Variants in OTULIN observed in about 807,000 individuals in gnomAD.
OTULIN encodes ubiquitin thioesterase otulin.
OTULIN carries 15 observed loss-of-function variants against 39.6 expected under a neutral mutation model. That is an observed-to-expected ratio of 0.38 (90% CI 0.25 to 0.58). The LOEUF is 0.58. OTULIN is among the 20% of genes least tolerant of loss of function. The pLI is 0.66. For missense variants in OTULIN, 319 were observed against 445.9 expected (o/e 0.72, Z 2.56); for synonymous variants, 156 against 170.3 (o/e 0.92, Z 0.65).
At position 14,693,099 on chromosome 5, in the gene OTULIN, C is replaced by T. The variant is rs1736575482; in HGVS notation, c.*51C>T. On this transcript the variant is annotated 3_prime_UTR_variant, in exon 7 of 7. Coordinates refer to ENST00000284274, the MANE Select transcript of OTULIN (RefSeq NM_138348.6). ...CGACGTGGCGAAGATGCACAGGTGG[C>T]TCCTGGGCTTGGGCTGCAGGTTTGG... 6.6e-7 allele frequency: 1 copy of T among 1,521,958 alleles called. No homozygotes were observed. The highest frequency in any genetic ancestry group is 8.9e-7 in the Non-Finnish European group (1 of 1,123,260). The allele number at this position is 1,521,958 out of a possible 1,614,324, so 94.3% of individuals were successfully genotyped here.
chr5:14,710,825 T>C, the OTULIN span: 3 of 322,542 alleles, frequency 9.3e-6, no homozygotes, highest in East Asian at 1.6e-4. Context: ...TGTGGCCTGC[T>C]GTGCAGGGTG....
intron 1 of OTULIN, among the ~76,000 whole-genome samples, chr5:14,672,530 C>T (rs1736004537): frequency 6.6e-6 from 1 of 152,088 alleles, no homozygotes; most frequent in Non-Finnish European, 1.5e-5. Context: ...CTCCTCCTTC[C>T]TGTGTTCCAC....
chr5:14,674,349 A>G (rs1304650528), intron 2 of OTULIN, among the ~76,000 whole-genome samples: 1 of 152,228 alleles, frequency 6.6e-6, no homozygotes, highest in African/African-American at 2.4e-5. Flanking sequence ...CAGGAGCTGC[A>G]TAGGGTTACT....
rs542573741 is a variant in OTULIN at position 14,667,687 on chromosome 5, GTA to G, written c.152+2714_152+2715del. Among the ~76,000 whole-genome samples the G allele has an allele frequency of 4.3e-3, 658 of 152,218 alleles. 4 individuals are homozygous for G. Among genetic ancestry groups the G allele is most frequent in the African/African-American group, 0.015 (626 of 41,550 alleles). On this transcript the variant is annotated intron_variant, in intron 1 of 6. Coordinates refer to ENST00000284274, the MANE Select transcript of OTULIN (RefSeq NM_138348.6). The stretch of plus-strand genomic sequence containing the variant: ...ACAGTGCCCAGTGATGAACTACTTT[GTA>G]TATCTCATTGCAGTTTTTCTTTCCC...
rs1736595257 is a variant in OTULIN, at chr5:14,693,792, G to C, written c.*744G>C. 1 of 152,246 alleles carries C rather than the reference G, an allele frequency of 6.6e-6. No homozygotes were observed. The highest frequency in any genetic ancestry group is 1.5e-5 in the Non-Finnish European group (1 of 68,078). The allele number at this position is 152,246 out of a possible 1,614,324, so 9.4% of individuals were successfully genotyped here. ...TAGGAGGGAGTGGTGAGGGAACCTA[G>C]AACTTCTTGCTCCTTGTGACTATGA... On this transcript the variant is annotated 3_prime_UTR_variant, in exon 7 of 7. Coordinates refer to ENST00000284274, the MANE Select transcript of OTULIN (RefSeq NM_138348.6).
chr5:14,666,407 G>A (rs910779127), intron 1 of OTULIN, among the ~76,000 whole-genome samples: 7 of 151,716 alleles, frequency 4.6e-5, no homozygotes, highest in Admixed American at 4.6e-4. Flanking sequence ...TGAAAGGAAT[G>A]TAAAAAAAAA....
chr5:14,711,326 CTCA>C, the OTULIN span: 1 of 1,606,568 alleles, frequency 6.2e-7, no homozygotes, highest in South Asian at 1.1e-5. Context: ...CCAAAGAAGA[CTCA>C]TCAGTGTGGG....
chr5:14,710,109 C>A, the OTULIN span: 1 of 152,166 alleles, frequency 6.6e-6, no homozygotes, highest in African/African-American at 2.4e-5. Flanking sequence ...AAATGTCTTG[C>A]TTTATCGTAT....
intron 1 of OTULIN, among the ~76,000 whole-genome samples, chr5:14,669,956 C>T (rs921387063): frequency 6.6e-6 from 1 of 152,154 alleles, no homozygotes; most frequent in African/African-American, 2.4e-5. Context: ...CTGTTTGAAT[C>T]TATATAGTAG....
chr5:14,709,489 A>G, the OTULIN span: 128 of 152,254 alleles, frequency 8.4e-4, no homozygotes, highest in African/African-American at 3.0e-3. Context: ...TGTGAATGCA[A>G]CCCTGGCATG....
chr5:14,693,233 C>T lies in OTULIN; in HGVS notation c.*185C>T, dbSNP rs975014634. ...ATAAGAGAAATTAACCAAGTCTTTC[C>T]CCTCATCTATGATGCAATATATTTC... On this transcript the variant is annotated 3_prime_UTR_variant, in exon 7 of 7. Coordinates refer to ENST00000284274, the MANE Select transcript of OTULIN (RefSeq NM_138348.6). 2.8e-5 allele frequency: 16 copies of T among 574,264 alleles called. No homozygotes were observed. In the African/African-American group the frequency reaches 3.0e-4, roughly 11 times the overall value. The allele number at this position is 574,264 out of a possible 1,614,324, so 35.6% of individuals were successfully genotyped here.
At position 14,697,052 on chromosome 5, in the gene OTULIN, T is replaced by G. The variant is rs1475454553; in HGVS notation, c.*4004T>G. The G allele has an allele frequency of 6.6e-6, 1 of 152,258 alleles. No individual in the cohort carries two copies. Among genetic ancestry groups the G allele is most frequent in the Non-Finnish European group, 1.5e-5 (1 of 68,112 alleles). 9.4% of individuals were successfully genotyped at this position (152,258 alleles called of 1,614,324 possible). ...CTTGCCCATGACCAGGAGGGGTGTG[T>G]GTGTGTGTGTGCATGTGTGTATATG... On this transcript the variant is annotated 3_prime_UTR_variant, in exon 7 of 7. Transcript: ENST00000284274.
chr5:14,702,560 C>G (rs1336920728), downstream of OTULIN, among the ~76,000 whole-genome samples: 1 of 152,108 alleles, frequency 6.6e-6, no homozygotes, highest in Non-Finnish European at 1.5e-5. Context: ...GAAAGAAGAA[C>G]CGGGCGAGGT....
At chr5:14,682,854 C>T (rs889863489) in intron 4 of OTULIN, among the ~76,000 whole-genome samples, 3 of 152,176 alleles carry the variant, frequency 2.0e-5, no homozygotes, top group South Asian at 2.1e-4. Flanking sequence ...ATCTCAAGCT[C>T]GGTGCCTGAT....
rs756295034 is a variant in OTULIN at position 14,673,631 on chromosome 5, T to G, written c.153-11T>G. 6.2e-7 allele frequency: 1 copy of G among 1,611,152 alleles called. No homozygotes were observed. The highest frequency in any genetic ancestry group is 8.5e-7 in the Non-Finnish European group (1 of 1,178,838). ...AAGTGTTTGAAAATGTCTGCTTTGG[T>G]GTAATTTCAGTGAGGAGGACATGTA... On this transcript the variant is annotated splice_polypyrimidine_tract_variant and intron_variant, in intron 1 of 6. Coordinates refer to ENST00000284274, the MANE Select transcript of OTULIN (RefSeq NM_138348.6).
intron 1 of OTULIN, among the ~76,000 whole-genome samples, chr5:14,665,806 C>T (rs947734303): frequency 1.3e-5 from 2 of 152,114 alleles, no homozygotes; most frequent in South Asian, 2.1e-4. Context: ...AAAAGGGGTC[C>T]TTTGGAGGCC....
intron 1 of OTULIN, among the ~76,000 whole-genome samples, chr5:14,669,011 C>T (rs1448791309): frequency 1.3e-5 from 2 of 152,270 alleles, no homozygotes; most frequent in African/African-American, 4.8e-5. Flanking sequence ...ATAGCTTACT[C>T]AGTTGGATAT....
intron 3 of OTULIN, 39 bp downstream of exon 3, chr5:14,678,814 T>TAG (rs761186506): frequency 7.4e-7 from 1 of 1,355,234 alleles, no homozygotes; most frequent in Non-Finnish European, 1.0e-6. Context: ...GTCTTTCAAA[T>TAG]AGTCTATCAT....
chr5:14,712,880 C>T, the OTULIN span: 3 of 1,609,094 alleles, frequency 1.9e-6, no homozygotes, highest in Non-Finnish European at 2.5e-6. Flanking sequence ...TCACCTGCTT[C>T]CGGTAGACAT....
Sources: gnomAD v4.1 joint callset for allele counts (sites outside exome capture counted in the v4.1 genomes callset) on GRCh38, gnomAD v4.1.1 for gene constraint, MANE v1.5 for transcripts, NCBI Gene and HGNC (gene_info 2026-07-23, HGNC 2026-07-21) for gene names.